The following DNAH1 variants were observed in gnomAD, a reference collection of about 807,000 sequenced individuals.
DNAH1 encodes axonemal beta dynein heavy chain 1.
A neutral mutation model predicts 484.3 loss-of-function variants in DNAH1; 327 were observed. That is an observed-to-expected ratio of 0.68 (90% CI 0.62 to 0.74). The LOEUF is 0.74. Ranked by LOEUF, DNAH1 falls within the 30% of genes least tolerant of loss-of-function variation. The probability of loss-of-function intolerance (pLI) is 0.00; values close to 1 mark genes in which losing one functional copy is unlikely to be tolerated. For synonymous variants in DNAH1, 2,192 were observed against 2,191.9 expected, an observed-to-expected ratio of 1.00 and a Z score of 0.00; for missense variants, 5,052 against 5,546.8, an observed-to-expected ratio of 0.91 and a Z score of 2.83.
chr3:52,323,901 T>G (rs1044232161), intron 3 of DNAH1, 21 bp downstream of exon 3: 1 of 1,551,988 alleles, frequency 6.4e-7, no homozygotes, highest in African/African-American at 1.4e-5. Context: ...AGGAGGGCTG[T>G]GTGAGTGGGT....
chr3:52,368,703 C>T lies in DNAH1; in HGVS notation c.5766-38C>T, dbSNP rs1559538625. 2 of 1,594,988 alleles carry T rather than the reference C, an allele frequency of 1.3e-6. No individual in the cohort carries two copies. The highest frequency in any genetic ancestry group is 4.5e-5 in the East Asian group (2 of 44,454). On this transcript the variant is annotated intron_variant, in intron 36 of 77. Transcript: ENST00000420323. This position sits in a 1 kb window ranked among gnomAD's most constrained non-coding sequence, Gnocchi z 4.4. ...GCCAGCTGTGCTCGAAGCACCGCCT[C>T]CCTGATGTTTCCAGCCCTCTCCTCC... is the stretch of plus-strand genomic sequence containing the variant.
chr3:52,344,744 G>A (rs1702078136), intron 9 of DNAH1, 97 bp downstream of exon 9: 16 of 1,360,416 alleles, frequency 1.2e-5, no homozygotes, highest in Admixed American at 2.2e-5. Context: ...TGCCATTGTG[G>A]GCGTCATCAG....
At chr3:52,359,470 T>G in intron 26 of DNAH1, 84 bp downstream of exon 26, 11 of 1,510,056 alleles carry the variant, frequency 7.3e-6, no homozygotes, top group South Asian at 1.2e-5. Context: ...AGCTTTCTCC[T>G]ATAGTGAGCC....
In DNAH1 at chr3:52,364,814, C is replaced by T. The variant is rs1703003753; in HGVS notation, c.5332-19C>T. 1 of 1,610,476 alleles carries T rather than the reference C, an allele frequency of 6.2e-7. No individual in the cohort carries two copies. The highest frequency in any genetic ancestry group is 1.1e-5 in the South Asian group (1 of 90,800). On this transcript the variant is annotated intron_variant, in intron 33 of 77. Transcript: ENST00000420323. The surrounding 1 kb of genome is among the most constrained non-coding windows in gnomAD (Gnocchi z 4.2). Reference sequence around the variant, plus strand: ...CAGCTGGCCCACTGCCCTGAAGGCTCAGCCGGCACCTGCTGCAGGAGCTGA... The same window carrying T: ...CAGCTGGCCCACTGCCCTGAAGGCTTAGCCGGCACCTGCTGCAGGAGCTGA...
intron 41 of DNAH1, among the ~76,000 whole-genome samples, chr3:52,371,620 T>G (rs753486131): frequency 6.6e-6 from 1 of 152,230 alleles, no homozygotes; most frequent in Admixed American, 6.5e-5. Flanking sequence ...CATTCTGGGT[T>G]GTTCAATTCT....
At chr3:52,313,657 G>A (rs930172267), upstream of DNAH1, among the ~76,000 whole-genome samples, 2 of 151,936 alleles carry the variant, frequency 1.3e-5, no homozygotes, top group African/African-American at 2.4e-5. Context: ...TGGGGAGGAG[G>A]GCTGCCCCAC....
At chr3:52,349,954 A>G in intron 14 of DNAH1, 35 bp from the exon 15 acceptor site, 1 of 1,578,410 alleles carries the variant, frequency 6.3e-7, no homozygotes, top group Non-Finnish European at 8.6e-7. Flanking sequence ...AGGGAGCAGC[A>G]TGCTGCCCTC....
rs745668667 is a variant in DNAH1 at position 52,383,414 on chromosome 3, T to C, written c.7970T>C (p.Ile2657Thr). Residue 2657 changes from isoleucine to threonine, a missense_variant, in exon 51 of 78, where the codon ATC (isoleucine) becomes ACC (threonine). By Grantham distance (89) the Ile-to-Thr change is moderately conservative (BLOSUM62 -1). This residue lies in a region of DNAH1 where 2,929 missense variants were observed against 3,409.4 expected (regional missense o/e 0.86). Transcript: ENST00000420323. Reference sequence around the variant, plus strand: ...AAGAACGAATCCTTCCTGGAAGATATCAACAACGTCCTAAACTCTGGTGAC... The same window carrying C: ...AAGAACGAATCCTTCCTGGAAGATACCAACAACGTCCTAAACTCTGGTGAC... ...QIKNESFLED[I>T]NNVLNSGDIP... The C allele has an allele frequency of 2.5e-6, 4 of 1,613,940 alleles. No homozygotes were observed. Among genetic ancestry groups the C allele is most frequent in the Admixed American group, 3.3e-5 (2 of 60,010 alleles).
intron 3 of DNAH1, among the ~76,000 whole-genome samples, chr3:52,324,254 C>A (rs772637496): frequency 2.6e-5 from 4 of 152,184 alleles, no homozygotes; most frequent in Admixed American, 6.5e-5. Context: ...GGAGACCCAG[C>A]ACCTAGAACA....
upstream of DNAH1, among the ~76,000 whole-genome samples, chr3:52,314,287 TG>T (rs1209611839): frequency 1.3e-5 from 2 of 152,224 alleles, no homozygotes; most frequent in African/African-American, 4.8e-5. Flanking sequence ...AAGATGTCTT[TG>T]TCTCAGAGCC....
chr3:52,358,425 C>A lies in DNAH1; in HGVS notation c.4087-133C>A. ...TGGGAAGGCCCAGCCAAGATAGACT[C>A]TCGGGGGGACGGGAAGGCAGGGCTT... On this transcript the variant is annotated intron_variant, in intron 24 of 77. Coordinates refer to ENST00000420323, the MANE Select transcript of DNAH1 (RefSeq NM_015512.5). The surrounding 1 kb of genome is among the most constrained non-coding windows in gnomAD (Gnocchi z 4.2). 9.7e-7 allele frequency: 1 copy of A among 1,025,938 alleles called. No homozygotes were observed. 63.6% of individuals were successfully genotyped at this position (1,025,938 alleles called of 1,614,324 possible).
At position 52,395,258 on chromosome 3, in the gene DNAH1, G is replaced by A. The variant is rs368096336; in HGVS notation, c.10969-50G>A. On this transcript the variant is annotated intron_variant, in intron 68 of 77. Coordinates refer to ENST00000420323, the MANE Select transcript of DNAH1 (RefSeq NM_015512.5). This position sits in a 1 kb window ranked among gnomAD's most constrained non-coding sequence, Gnocchi z 4.4. ...ACCCCAGATCCCCCTCCCTTGCCCC[G>A]ATCTCTCTGCAGCCCCAGGTGGTCT... The A allele has an allele frequency of 2.8e-5, 44 of 1,590,584 alleles. No individual in the cohort carries two copies. Among genetic ancestry groups the A allele is most frequent in the Admixed American group, 8.6e-5 (5 of 57,972 alleles).
At chr3:52,370,393 G>C in intron 39 of DNAH1, 84 bp from the exon 40 acceptor site, 2 of 1,589,414 alleles carry the variant, frequency 1.3e-6, no homozygotes, top group South Asian at 2.3e-5. Context: ...GTGTAGCAGA[G>C]GTCAAGACAT....
chr3:52,394,503 G>C lies in DNAH1; in HGVS notation c.10665G>C (p.Ser3555=), dbSNP rs762880925. The change falls in exon 67 of 78, where the codon TCG becomes TCC. Residue 3555 remains serine, a synonymous_variant. Transcript: ENST00000420323. ...ACCTCCTGTCTGGGGGCTCCATCTC[G>C]ATCATGACTGAGAATCCGGCACCGG... ...WRYLLSGGSI[S]IMTENPAPDW... is the part of the protein sequence containing the mutation. 1.2e-6 allele frequency: 2 copies of C among 1,614,014 alleles called. No homozygotes were observed. The highest frequency in any genetic ancestry group is 1.7e-6 in the Non-Finnish European group (2 of 1,179,882).
intron 44 of DNAH1, chr3:52,373,997 T>G (rs1213926567): frequency 9.2e-7 from 1 of 1,091,088 alleles, no homozygotes; most frequent in Non-Finnish European, 1.4e-6. Flanking sequence ...ATTTTTAGAG[T>G]CTGCAGATTT....
rs779985599 is a variant in DNAH1 at position 52,372,026 on chromosome 3, C to T, written c.6606C>T (p.Pro2202=). The T allele has an allele frequency of 5.0e-6, 8 of 1,613,730 alleles. No homozygotes were observed. The highest frequency in any genetic ancestry group is 6.8e-6 in the Non-Finnish European group (8 of 1,179,884). Residue 2202 remains proline, a synonymous_variant, in exon 42 of 78, where the codon CCC becomes CCT. Coordinates refer to ENST00000420323, the MANE Select transcript of DNAH1 (RefSeq NM_015512.5). ...CCAACTACTGCAACATCATTGTGCC[C>T]ACCATGGACACCGTGCAGATGTCCC... The part of the protein sequence containing the change: ...PDTNYCNIIV[P]TMDTVQMSHL...
At chr3:52,326,672 C>T in intron 4 of DNAH1, 63 bp from the exon 5 acceptor site, 1 of 1,528,228 alleles carries the variant, frequency 6.5e-7, no homozygotes, top group Non-Finnish European at 8.8e-7. Flanking sequence ...CCCTTGTGGA[C>T]ACCCATGGAG....
chr3:52,335,695 C>T (rs1254667803), intron 8 of DNAH1, among the ~76,000 whole-genome samples: 1 of 151,356 alleles, frequency 6.6e-6, no homozygotes, highest in African/African-American at 2.4e-5. Flanking sequence ...AGTGCAATGG[C>T]GCAATCTCAG....
intron 42 of DNAH1, 26 bp from the exon 43 acceptor site, chr3:52,372,201 C>T (rs1455282124): frequency 6.8e-6 from 11 of 1,613,030 alleles, no homozygotes; most frequent in Middle Eastern, 3.3e-4. Context: ...CCACCGCATG[C>T]TCCTGTGCCA....
Sources: gnomAD v4.1 joint callset for allele counts (sites outside exome capture counted in the v4.1 genomes callset) on GRCh38, gnomAD v4.1.1 for gene constraint, gnomAD v4.1.1 regional missense constraint, Gnocchi (gnomAD v3.1) non-coding constraint, MANE v1.5 for transcripts, NCBI Gene and HGNC (gene_info 2026-07-23, HGNC 2026-07-21) for gene names.